Variants in PIP5KL1 observed in about 807,000 individuals in gnomAD.
The protein encoded by PIP5KL1 is phosphatidylinositol 4-phosphate 5-kinase-like protein 1.
PIP5KL1 carries 45 observed loss-of-function variants against 47.6 expected under a neutral mutation model. The observed-to-expected ratio is 0.94, with a 90% CI of 0.74 to 1.21. The LOEUF is 1.21. Ranked by LOEUF, PIP5KL1 falls within the 50% of genes most tolerant of loss-of-function variation. The pLI, the probability that PIP5KL1 is intolerant of heterozygous loss-of-function variation, is 0.00. For missense variants in PIP5KL1, 577 were observed against 547.6 expected (o/e 1.05, Z -0.54); for synonymous variants, 256 against 234.6 (o/e 1.09, Z -0.84).
intron 9 of PIP5KL1, among the ~76,000 whole-genome samples, chr9:127,923,832 A>G (rs546532664): frequency 6.6e-6 from 1 of 152,354 alleles, no homozygotes; most frequent in South Asian, 2.1e-4. Flanking sequence ...AAATGGAAGT[A>G]GCTGGCCAAG....
rs1397492753 is a variant in PIP5KL1, at chr9:127,925,140, C to A, written c.884G>T (p.Gly295Val). Residue 295 changes from glycine to valine, a missense_variant, in exon 9 of 10, where the codon GGC becomes GTC. Transcript: ENST00000388747. ...AFQRLHEDER[G>V]PGSSLIFRTA... ...GCGGAAGATGAGGCTGCTGCCCGGG[C>A]CCCTCTCATCCTCGTGGAGACGTTG... 6 of 1,614,134 alleles carry A rather than the reference C, an allele frequency of 3.7e-6. No homozygotes were observed. The South Asian group carries it at 6.6e-5, about 18-fold the overall frequency.
rs983282877 is a variant in PIP5KL1, at chr9:127,927,420, C to G, written c.560-89G>C. On this transcript the variant is annotated intron_variant, in intron 5 of 9. Transcript: ENST00000388747. This position sits in a 1 kb window ranked among gnomAD's most constrained non-coding sequence, Gnocchi z 5.5. ...CCAATCCCAGCGCCAGGCCACGCCT[C>G]CTTCTCAAGATCCGCGGCACCTGGA... The G allele has an allele frequency of 3.9e-5, 60 of 1,519,644 alleles. No individual in the cohort carries two copies. The highest frequency in any genetic ancestry group is 4.8e-5 in the Non-Finnish European group (54 of 1,136,050). 94.1% of individuals were successfully genotyped at this position (1,519,644 alleles called of 1,614,324 possible). A position where few individuals can be genotyped will look rare whatever the true frequency, so the allele number is the denominator to read the frequency against.
At position 127,921,898 on chromosome 9, in the gene PIP5KL1, C is replaced by A. The variant is rs1022199980; in HGVS notation, c.1134G>T (p.Pro378=). 6.3e-7 allele frequency: 1 copy of A among 1,575,414 alleles called. No individual in the cohort carries two copies. Among genetic ancestry groups the A allele is most frequent in the Non-Finnish European group, 8.6e-7 (1 of 1,164,046 alleles). The change falls in exon 10 of 10, where the codon CCG becomes CCT. Residue 378 remains proline (P), a synonymous_variant. Transcript: ENST00000388747. ...GGCAGAGGCGACGGGCGTAGCGAGC[C>A]GGGCTGACAGTGGAGAAGGTCCGGC... The part of the protein sequence containing the change: ...YPGRTFSTVS[P]ARYARRLCQW...
At position 127,928,490 on chromosome 9, in the gene PIP5KL1, G is replaced by A; in HGVS notation, c.229-7C>T. On this transcript the variant is annotated splice_region_variant and splice_polypyrimidine_tract_variant and intron_variant, in intron 2 of 9. Coordinates refer to ENST00000388747, the MANE Select transcript of PIP5KL1 (RefSeq NM_001135219.2). ...CGTCCCGGGAGGGCGGCCCCTGCAG[G>A]GAGAGGTAGAGGAGCTCAGGGCAAC... 1 of 1,588,312 alleles carries A rather than the reference G, an allele frequency of 6.3e-7. No homozygotes were observed. The highest frequency in any genetic ancestry group is 1.2e-5 in the South Asian group (1 of 86,526).
At chr9:127,926,042 G>A in intron 7 of PIP5KL1, 63 bp from the exon 8 acceptor site, 1 of 1,214,956 alleles carries the variant, frequency 8.2e-7, no homozygotes, top group South Asian at 1.4e-5. Context: ...TCTCACAAGA[G>A]CTTCCAGTGA....
chr9:127,929,685 C>G lies in PIP5KL1; in HGVS notation c.228+3G>C, dbSNP rs1280555906. 1 of 1,553,686 alleles carries G rather than the reference C, an allele frequency of 6.4e-7. No individual in the cohort carries two copies. The highest frequency in any genetic ancestry group is 1.9e-5 in the Admixed American group (1 of 53,140). ...AGATTCGTGGGACAGATGGGCCACT[C>G]ACCGTGGGTGGGTGGTCCATGGAGA... On this transcript the variant is annotated splice_donor_region_variant and intron_variant, in intron 2 of 9. Transcript: ENST00000388747. This position sits in a 1 kb window ranked among gnomAD's most constrained non-coding sequence, Gnocchi z 4.0.
chr9:127,925,023 C>T (rs941486602), intron 9 of PIP5KL1, 84 bp downstream of exon 9: 6 of 1,537,054 alleles, frequency 3.9e-6, no homozygotes, highest in Admixed American at 1.8e-5. Context: ...CTGCACTGCT[C>T]CCGGTGCACT....
chr9:127,927,935 C>G lies in PIP5KL1; in HGVS notation c.434+130G>C. On this transcript the variant is annotated intron_variant, in intron 4 of 9. Transcript: ENST00000388747. This position sits in a 1 kb window ranked among gnomAD's most constrained non-coding sequence, Gnocchi z 5.5. The stretch of plus-strand genomic sequence containing the variant: ...TCTCCTCCCCGATCTGTCCACCATC[C>G]GGCCCTGACCCTCCCAGATTAGGGC... 1 of 1,446,318 alleles carries G rather than the reference C, an allele frequency of 6.9e-7. No homozygotes were observed. Among genetic ancestry groups the G allele is most frequent in the South Asian group, 1.4e-5 (1 of 72,654 alleles). 89.6% of individuals were successfully genotyped at this position (1,446,318 alleles called of 1,614,324 possible).
Position 127,929,973 on chromosome 9 carries a change from G to T in PIP5KL1, c.31-88C>A. 1.7e-6 allele frequency: 2 copies of T among 1,188,216 alleles called. No homozygotes were observed. Among genetic ancestry groups the T allele is most frequent in the South Asian group, 1.6e-5 (1 of 61,708 alleles). 73.6% of individuals were successfully genotyped at this position (1,188,216 alleles called of 1,614,324 possible). A position where few individuals can be genotyped will look rare whatever the true frequency, so the allele number is the denominator to read the frequency against. On this transcript the variant is annotated intron_variant, in intron 1 of 9. Coordinates refer to ENST00000388747, the MANE Select transcript of PIP5KL1 (RefSeq NM_001135219.2). The surrounding 1 kb of genome is among the most constrained non-coding windows in gnomAD (Gnocchi z 4.0). Reference sequence around the variant, plus strand: ...CAAGTCCCACTTCCACTACTTGTGAGACTTCCCCTCATCTCTCTCTGCCTC... The same window carrying T: ...CAAGTCCCACTTCCACTACTTGTGATACTTCCCCTCATCTCTCTCTGCCTC...
intron 9 of PIP5KL1, 139 bp downstream of exon 9, chr9:127,924,968 A>G (rs529567278): frequency 2.3e-5 from 22 of 974,088 alleles, no homozygotes; most frequent in Admixed American, 1.3e-4. Context: ...GCGCACACGC[A>G]CACACACACA....
intron 9 of PIP5KL1, 91 bp downstream of exon 9, chr9:127,925,016 C>A: frequency 6.6e-7 from 1 of 1,512,346 alleles, no homozygotes; most frequent in Non-Finnish European, 9.0e-7. Context: ...TCTTTGGCTG[C>A]ACTGCTCCCG....
Position 127,927,904 on chromosome 9 carries a change from C to G in PIP5KL1, c.435-132G>C. ...CCGCCTCTCTCGCCTTCGGCCCTCGCCCTCCTCTCCTCCCCGATCTGTCCA... is the reference window on the plus strand; with the variant it reads ...CCGCCTCTCTCGCCTTCGGCCCTCGGCCTCCTCTCCTCCCCGATCTGTCCA... On this transcript the variant is annotated intron_variant, in intron 4 of 9. Coordinates refer to ENST00000388747, the MANE Select transcript of PIP5KL1 (RefSeq NM_001135219.2). This position sits in a 1 kb window ranked among gnomAD's most constrained non-coding sequence, Gnocchi z 5.5. The G allele has an allele frequency of 6.8e-7, 1 of 1,473,912 alleles. No individual in the cohort carries two copies. 91.3% of individuals were successfully genotyped at this position (1,473,912 alleles called of 1,614,324 possible).
rs1831387432 is a variant in PIP5KL1 at position 127,927,944 on chromosome 9, C to A, written c.434+121G>T. The A allele has an allele frequency of 9.0e-6, 13 of 1,445,224 alleles. No homozygotes were observed. The highest frequency in any genetic ancestry group is 1.0e-5 in the Non-Finnish European group (11 of 1,088,046). The allele number at this position is 1,445,224 out of a possible 1,614,324, so 89.5% of individuals were successfully genotyped here. On this transcript the variant is annotated intron_variant, in intron 4 of 9. Transcript: ENST00000388747. This position sits in a 1 kb window ranked among gnomAD's most constrained non-coding sequence, Gnocchi z 5.5. ...CGATCTGTCCACCATCCGGCCCTGA[C>A]CCTCCCAGATTAGGGCCGCTCTGTT...
In PIP5KL1 at chr9:127,927,869, G is replaced by C. The variant is rs1036834613; in HGVS notation, c.435-97C>G. The stretch of plus-strand genomic sequence containing the variant: ...CCTGTGCACGTGGATCTCGCTCCCA[G>C]GTCTCGGCACCGCCTCTCTCGCCTT... On this transcript the variant is annotated intron_variant, in intron 4 of 9. Coordinates refer to ENST00000388747, the MANE Select transcript of PIP5KL1 (RefSeq NM_001135219.2). This position sits in a 1 kb window ranked among gnomAD's most constrained non-coding sequence, Gnocchi z 5.5. 4.0e-5 allele frequency: 60 copies of C among 1,500,674 alleles called. No homozygotes were observed. The highest frequency in any genetic ancestry group is 5.1e-5 in the Non-Finnish European group (58 of 1,130,700). The allele number at this position is 1,500,674 out of a possible 1,614,324, so 93.0% of individuals were successfully genotyped here.
intron 9 of PIP5KL1, among the ~76,000 whole-genome samples, chr9:127,922,694 C>CAAAAAAAAAAAAAAA (rs386416269): frequency 3.4e-5 from 3 of 89,400 alleles, no homozygotes; most frequent in East Asian, 3.8e-4. Flanking sequence ...GACTCTGTCT[C>CAAAAAAAAAAAAAAA]AAAAAAAAAA....
At position 127,921,058 on chromosome 9, in the gene PIP5KL1, G is replaced by A. The variant is rs1831274201; in HGVS notation, c.*789C>T. ...GCTTGGGCATGGTCGGATTGAACTG[G>A]GGTCAGAGGCCAGGCTGGAGTTTCC... On this transcript the variant is annotated 3_prime_UTR_variant, in exon 10 of 10. Transcript: ENST00000388747. The A allele has an allele frequency of 6.6e-6, 1 of 152,324 alleles. No homozygotes were observed. The highest frequency in any genetic ancestry group is 2.4e-5 in the African/African-American group (1 of 41,462). 9.4% of individuals were successfully genotyped at this position (152,324 alleles called of 1,614,324 possible). A position where few individuals can be genotyped will look rare whatever the true frequency, so the allele number is the denominator to read the frequency against.
rs1265611886 is a variant in PIP5KL1 at position 127,927,284 on chromosome 9, C to A, written c.594+13G>T. The A allele has an allele frequency of 6.2e-7, 1 of 1,611,332 alleles. No individual in the cohort carries two copies. Among genetic ancestry groups the A allele is most frequent in the African/African-American group, 1.3e-5 (1 of 74,880 alleles). On this transcript the variant is annotated intron_variant, in intron 6 of 9. Transcript: ENST00000388747. This position sits in a 1 kb window ranked among gnomAD's most constrained non-coding sequence, Gnocchi z 5.5. ...CCCGCTCCGCCCAGCCACCTCGCCT[C>A]GGCTTCACCCACCTTCTTTCCCCGG...
In PIP5KL1 at chr9:127,928,346, T is replaced by C. The variant is rs1021922374; in HGVS notation, c.279+87A>G. 3.2e-6 allele frequency: 5 copies of C among 1,540,398 alleles called. No individual in the cohort carries two copies. In the African/African-American group the frequency reaches 4.1e-5, roughly 13 times the overall value. On this transcript the variant is annotated intron_variant, in intron 3 of 9. Coordinates refer to ENST00000388747, the MANE Select transcript of PIP5KL1 (RefSeq NM_001135219.2). Reference sequence around the variant, plus strand: ...AGGCTCAAGTCTCAGGGACAAGCCTTCACTCCCACTGCACAGATGGGAAAA... The same window carrying C: ...AGGCTCAAGTCTCAGGGACAAGCCTCCACTCCCACTGCACAGATGGGAAAA...
At chr9:127,930,597 T>C (rs1049392967) in intron 1 of PIP5KL1, 126 bp downstream of exon 1, 6 of 1,219,814 alleles carry the variant, frequency 4.9e-6, no homozygotes, top group Non-Finnish European at 6.5e-6. Context: ...CGTGTCCTGG[T>C]CTTCGCCGGC....
Sources: allele counts gnomAD v4.1 joint callset (sites outside exome capture counted in the v4.1 genomes callset), GRCh38; gene constraint gnomAD v4.1.1; non-coding constraint Gnocchi (gnomAD v3.1); transcripts MANE v1.5; gene names NCBI Gene and HGNC (gene_info 2026-07-23, HGNC 2026-07-21).